The following CTNNAL1 variants were observed in gnomAD, a reference collection of about 807,000 sequenced individuals.
CTNNAL1 encodes the protein catenin alpha like 1.
A neutral mutation model predicts 93.6 loss-of-function variants in CTNNAL1; 69 were observed. That is an observed-to-expected ratio of 0.74 (90% CI 0.61 to 0.90). The LOEUF is 0.90. CTNNAL1 is among the 40% of genes least tolerant of loss of function. The pLI is 0.00. For synonymous variants in CTNNAL1, 286 were observed against 305.4 expected, an observed-to-expected ratio of 0.94 and a Z score of 0.66; for missense variants, 836 against 862.0, an observed-to-expected ratio of 0.97 and a Z score of 0.38.
At chr9:109,006,680 G>A (rs1827036723) in intron 1 of CTNNAL1, among the ~76,000 whole-genome samples, 1 of 152,196 alleles carries the variant, frequency 6.6e-6, no homozygotes, top group Non-Finnish European at 1.5e-5. Context: ...ATCCCTTGGG[G>A]AAGAAAGAAG....
intron 11 of CTNNAL1, among the ~76,000 whole-genome samples, chr9:108,961,263 G>A: frequency 6.6e-6 from 1 of 152,196 alleles, no homozygotes; most frequent in East Asian, 1.9e-4. Context: ...AAGGTAATGA[G>A]CAGGTTTGTC....
intron 4 of CTNNAL1, among the ~76,000 whole-genome samples, chr9:108,987,110 A>G (rs1328406021): frequency 1.3e-5 from 2 of 152,098 alleles, no homozygotes; most frequent in African/African-American, 2.4e-5. Flanking sequence ...GCCCATGCCT[A>G]TGTCCTGAAC....
chr9:108,943,256 C>G (rs1830299457), intron 17 of CTNNAL1, among the ~76,000 whole-genome samples: 1 of 152,182 alleles, frequency 6.6e-6, no homozygotes, highest in African/African-American at 2.4e-5. Flanking sequence ...CATGGAACCC[C>G]AGCAGAAAGA....
intron 11 of CTNNAL1, among the ~76,000 whole-genome samples, chr9:108,956,332 T>C (rs1357398914): frequency 6.6e-6 from 1 of 152,244 alleles, no homozygotes; most frequent in Non-Finnish European, 1.5e-5. Context: ...AGGAGGTTTT[T>C]TGACTGTGAA....
At chr9:108,960,694 G>C (rs1361928300) in intron 11 of CTNNAL1, among the ~76,000 whole-genome samples, 1 of 152,140 alleles carries the variant, frequency 6.6e-6, no homozygotes, top group Non-Finnish European at 1.5e-5. Flanking sequence ...TTAAAGGAAG[G>C]ATAGAGACCG....
intron 11 of CTNNAL1, among the ~76,000 whole-genome samples, chr9:108,960,586 G>T (rs1459601585): frequency 6.6e-6 from 1 of 152,130 alleles, no homozygotes; most frequent in African/African-American, 2.4e-5. Flanking sequence ...GATCATAACT[G>T]CCCTACATAG....
At chr9:108,981,314 C>T (rs1831420378) in intron 6 of CTNNAL1, among the ~76,000 whole-genome samples, 1 of 152,124 alleles carries the variant, frequency 6.6e-6, no homozygotes, top group African/African-American at 2.4e-5. Context: ...AAGGTTTGGT[C>T]TGTACAGTTT....
chr9:108,983,679 T>C (rs1831509386), intron 5 of CTNNAL1, among the ~76,000 whole-genome samples: 1 of 152,180 alleles, frequency 6.6e-6, no homozygotes, highest in Admixed American at 6.5e-5. Context: ...CATGGATGCA[T>C]CTTGACTTTT....
chr9:108,988,845 G>A (rs1035300910), intron 4 of CTNNAL1, among the ~76,000 whole-genome samples: 1 of 152,208 alleles, frequency 6.6e-6, no homozygotes, highest in Non-Finnish European at 1.5e-5. Flanking sequence ...ACAGTAAGCA[G>A]CTGATGAATA....
chr9:108,968,702 A>G (rs1346289631), intron 10 of CTNNAL1, among the ~76,000 whole-genome samples: 1 of 152,282 alleles, frequency 6.6e-6, no homozygotes, highest in South Asian at 2.1e-4. Flanking sequence ...ACTGTTCTCT[A>G]CAGGAGAGCA....
chr9:108,972,864 G>GCCCCCCCCCCCCCCC, intron 8 of CTNNAL1, 31 bp from the exon 9 acceptor site: 2 of 142,556 alleles, frequency 1.4e-5, no homozygotes, highest in East Asian at 2.2e-4. Context: ...GGGGGGGTGG[G>GCCCCCCCCCCCCCCC]AGGGTGGAGA....
At chr9:109,008,306 C>G (rs961323637) in intron 1 of CTNNAL1, among the ~76,000 whole-genome samples, 7 of 151,984 alleles carry the variant, frequency 4.6e-5, no homozygotes, top group African/African-American at 1.5e-4. Flanking sequence ...TACAGGCATG[C>G]ACCACCACGC....
At chr9:108,948,110 A>G in intron 15 of CTNNAL1, 76 bp downstream of exon 15, 1 of 1,480,210 alleles carries the variant, frequency 6.8e-7, no homozygotes, top group East Asian at 2.3e-5. Context: ...TGATATAATA[A>G]ATCATCTGGA....
At chr9:108,972,883 G>T in intron 8 of CTNNAL1, 50 bp from the exon 9 acceptor site, 2 of 1,461,936 alleles carry the variant, frequency 1.4e-6, no homozygotes, top group Non-Finnish European at 1.8e-6. Flanking sequence ...GAAGGAGAAG[G>T]GTGATGAAGG....
chr9:108,972,557 A>C, intron 9 of CTNNAL1, 118 bp downstream of exon 9: 1 of 892,508 alleles, frequency 1.1e-6, no homozygotes, highest in Non-Finnish European at 1.7e-6. Flanking sequence ...TTAAGATGCC[A>C]AAGGAGAGAG....
chr9:108,943,192 T>C, intron 17 of CTNNAL1, 148 bp from the exon 18 acceptor site: 1 of 726,008 alleles, frequency 1.4e-6, no homozygotes, highest in South Asian at 2.1e-5. Context: ...ATGAGCTGAC[T>C]CAAAGCCCCA....
intron 4 of CTNNAL1, among the ~76,000 whole-genome samples, chr9:108,985,500 G>C (rs1031662390): frequency 6.6e-6 from 1 of 152,194 alleles, no homozygotes; most frequent in African/African-American, 2.4e-5. Flanking sequence ...AATGGATTCA[G>C]AAGTTAGTCC....
At chr9:108,947,986 C>A (rs1564120192) in intron 15 of CTNNAL1, among the ~76,000 whole-genome samples, 200 bp downstream of exon 15, 1 of 152,194 alleles carries the variant, frequency 6.6e-6, no homozygotes, top group East Asian at 1.9e-4. Flanking sequence ...ATTTAAGTTT[C>A]TTTCCAATGA....
At chr9:109,002,944 G>A (rs375128021) in intron 1 of CTNNAL1, among the ~76,000 whole-genome samples, 3 of 152,058 alleles carry the variant, frequency 2.0e-5, no homozygotes, top group Admixed American at 6.6e-5. Context: ...AGTAAGCCAA[G>A]ATCGTGCCAT....
Sources: gnomAD v4.1 joint callset for allele counts (sites outside exome capture counted in the v4.1 genomes callset) on GRCh38, gnomAD v4.1.1 for gene constraint, MANE v1.5 for transcripts, NCBI Gene and HGNC (gene_info 2026-07-23, HGNC 2026-07-21) for gene names.